The following PRKCB variants were observed in gnomAD, a reference collection of about 807,000 sequenced individuals.
PRKCB encodes the protein protein kinase C beta type.
PRKCB carries 13 observed loss-of-function variants against 81.5 expected under a neutral mutation model. The observed-to-expected ratio is 0.16, with a 90% CI of 0.10 to 0.25. The LOEUF is 0.25. PRKCB is among the 10% of genes least tolerant of loss of function. PRKCB has a pLI of 1.00. For synonymous variants in PRKCB, 335 were observed against 321.4 expected (o/e 1.04, Z -0.45); for missense variants, 509 against 875.7 (o/e 0.58, Z 5.29).
chr16:24,165,373 G>A (rs1967326365), intron 10 of PRKCB, among the ~76,000 whole-genome samples: 1 of 152,174 alleles, frequency 6.6e-6, no homozygotes, highest in Admixed American at 6.5e-5. Context: ...GTTTGAATTA[G>A]TTGTATACTT....
intron 2 of PRKCB, among the ~76,000 whole-genome samples, chr16:23,962,570 G>A (rs747007137): frequency 1.6e-4 from 25 of 152,096 alleles, no homozygotes; most frequent in Non-Finnish European, 3.2e-4. Context: ...GTTCTACTAG[G>A]CCTTCATCTC....
intron 9 of PRKCB, among the ~76,000 whole-genome samples, chr16:24,153,608 C>T (rs1055797986): frequency 6.6e-6 from 1 of 152,132 alleles, no homozygotes; most frequent in African/African-American, 2.4e-5. Context: ...TTCTGTCTGG[C>T]ATAATCACAA....
At chr16:23,931,787 A>C (rs956951544) in intron 2 of PRKCB, among the ~76,000 whole-genome samples, 3 of 152,196 alleles carry the variant, frequency 2.0e-5, no homozygotes, top group African/African-American at 7.2e-5. Context: ...GTTTGTATAG[A>C]TCCTTTTAGG....
In PRKCB at chr16:23,836,310, G is replaced by A; in HGVS notation, c.135G>A (p.Lys45=). The A allele has an allele frequency of 6.2e-7, 1 of 1,604,904 alleles. No homozygotes were observed. Among genetic ancestry groups the A allele is most frequent in the Non-Finnish European group, 8.5e-7 (1 of 1,176,092 alleles). ...KNHKFTARFF[K]QPTFCSHCTD... ...ACAAATTCACCGCCCGCTTCTTCAA[G>A]CAGCCCACCTTCTGCAGCCACTGCA... Residue 45 remains lysine (K), a synonymous_variant, in exon 1 of 17, where the codon AAG becomes AAA. Transcript: ENST00000643927.
intron 10 of PRKCB, among the ~76,000 whole-genome samples, chr16:24,171,926 A>C (rs1376537563): frequency 6.6e-6 from 1 of 151,848 alleles, no homozygotes; most frequent in African/African-American, 2.4e-5. Flanking sequence ...TTTTTTCAGT[A>C]GAGATGGAGT....
At chr16:24,127,942 A>T (rs1966847283) in intron 9 of PRKCB, among the ~76,000 whole-genome samples, 1 of 152,190 alleles carries the variant, frequency 6.6e-6, no homozygotes, top group Non-Finnish European at 1.5e-5. Context: ...AGGTATATAG[A>T]TCAATCTCCA....
At chr16:23,857,293 G>A (rs1023197781) in intron 2 of PRKCB, among the ~76,000 whole-genome samples, 3 of 152,224 alleles carry the variant, frequency 2.0e-5, no homozygotes, top group Admixed American at 2.0e-4. Context: ...GCAGAGAGAA[G>A]GAGCTGCTTA....
chr16:23,908,460 G>T (rs1963597936), intron 2 of PRKCB, among the ~76,000 whole-genome samples: 1 of 152,190 alleles, frequency 6.6e-6, no homozygotes, highest in South Asian at 2.1e-4. Flanking sequence ...ACAGGTGCAG[G>T]TTATGTTGGG....
In PRKCB at chr16:24,216,916, G is replaced by A. The variant is rs150101137; in HGVS notation, c.*2100G>A. 1.7e-3 allele frequency: 1,657 copies of A among 985,408 alleles called. 23 individuals carry two copies. In the African/African-American group the frequency reaches 0.027, roughly 16 times the overall value. The allele number at this position is 985,408 out of a possible 1,614,324, so 61.0% of individuals were successfully genotyped here. ...AGGGTGCTTTCTGCTCTGTAGCAAG[G>A]CAGCAGACATCTCTGAGCCAGGCCC... On this transcript the variant is annotated 3_prime_UTR_variant, in exon 17 of 17. Transcript: ENST00000643927.
chr16:23,860,133 A>AT (rs1962641088), intron 2 of PRKCB, among the ~76,000 whole-genome samples: 1 of 152,138 alleles, frequency 6.6e-6, no homozygotes, highest in Non-Finnish European at 1.5e-5. Flanking sequence ...TAGCTTCTTC[A>AT]TTTTGAAAAA....
chr16:23,882,025 C>CTCTTTCTTT lies in PRKCB; in HGVS notation c.205+44619_205+44620insTCTTTCTTT, dbSNP rs1597226197. 3.2e-3 allele frequency among the ~76,000 whole-genome samples: 58 copies of CTCTTTCTTT among 18,314 alleles called. 6 individuals are homozygous for CTCTTTCTTT. The highest frequency in any genetic ancestry group is 0.015 in the East Asian group (3 of 196). The allele number at this position is 18,314 out of a possible 152,430, so 12.0% of individuals were successfully genotyped here. A position where few individuals can be genotyped will look rare whatever the true frequency, so the allele number is the denominator to read the frequency against. ...TTCTTTCTTTCTTTCTTTCTTTCTT[C>CTCTTTCTTT]CTTCCTTCCTTCCTTCCTTCCTTCC... On this transcript the variant is annotated intron_variant, in intron 2 of 16. Transcript: ENST00000643927.
chr16:24,213,649 C>T (rs1018412925), intron 16 of PRKCB, among the ~76,000 whole-genome samples: 2 of 152,118 alleles, frequency 1.3e-5, no homozygotes, highest in Non-Finnish European at 2.9e-5. Context: ...TTGTGGTTAC[C>T]TCGTAGAGAT....
At chr16:23,872,654 T>C (rs1218110145) in intron 2 of PRKCB, among the ~76,000 whole-genome samples, 2 of 152,210 alleles carry the variant, frequency 1.3e-5, no homozygotes, top group East Asian at 3.8e-4. Flanking sequence ...TCTTTGTGCC[T>C]CAGTTTTTCA....
In PRKCB at chr16:23,842,140, G is replaced by A. The variant is rs149887602; in HGVS notation, c.205+4734G>A. On this transcript the variant is annotated intron_variant, in intron 2 of 16. Transcript: ENST00000643927. ...AAATAGAGAGGCAATAAAATATAGA[G>A]ATTCAGAATTCTTAGCAATGAGTTG... is the stretch of plus-strand genomic sequence containing the variant. Among the ~76,000 whole-genome samples, 7 of 152,236 alleles carry A rather than the reference G, an allele frequency of 4.6e-5. No homozygotes were observed. In the East Asian group the frequency reaches 1.4e-3, roughly 29 times the overall value.
chr16:23,948,347 T>C (rs1964232008), intron 2 of PRKCB, among the ~76,000 whole-genome samples: 1 of 152,120 alleles, frequency 6.6e-6, no homozygotes, highest in South Asian at 2.1e-4. Flanking sequence ...TGGGCTTCCA[T>C]GTTTATAAAT....
intron 3 of PRKCB, among the ~76,000 whole-genome samples, chr16:24,002,659 CTTTG>C (rs1198995330): frequency 2.0e-5 from 3 of 151,990 alleles, no homozygotes; most frequent in African/African-American, 7.3e-5. Flanking sequence ...TTTTTTAAGC[CTTTG>C]TTTGTGTCAC....
chr16:23,911,825 C>CTTTTTTTTTTTTTTTTTTT (rs1567311221), intron 2 of PRKCB, among the ~76,000 whole-genome samples: 2 of 126,372 alleles, frequency 1.6e-5, no homozygotes. Flanking sequence ...GCGCGACCCA[C>CTTTTTTTTTTTTTTTTTTT]ATTTTTTTTT....
chr16:23,961,411 G>A (rs1424411959), intron 2 of PRKCB, among the ~76,000 whole-genome samples: 1 of 152,238 alleles, frequency 6.6e-6, no homozygotes, highest in African/African-American at 2.4e-5. Flanking sequence ...TCTCCATCAT[G>A]ATTCAGCTTT....
chr16:24,138,524 C>A (rs1966873202), intron 9 of PRKCB, among the ~76,000 whole-genome samples: 1 of 151,884 alleles, frequency 6.6e-6, no homozygotes, highest in Admixed American at 6.6e-5. Flanking sequence ...TTGACTAAGC[C>A]ATATATGTCA....
Sources: allele counts gnomAD v4.1 joint callset (sites outside exome capture counted in the v4.1 genomes callset), GRCh38; gene constraint gnomAD v4.1.1; transcripts MANE v1.5; gene names NCBI Gene and HGNC (gene_info 2026-07-23, HGNC 2026-07-21).